MRI1: variants seen among roughly 807,000 people sequenced by gnomAD.
MRI1 encodes methylthioribose-1-phosphate isomerase 1, also known as methylthioribose-1-phosphate isomerase.
A neutral mutation model predicts 27.3 loss-of-function variants in MRI1; 32 were observed. The observed-to-expected ratio is 1.17, with a 90% CI of 0.88 to 1.57. MRI1 has a LOEUF of 1.57. Ranked by LOEUF, MRI1 falls within the 40% of genes most tolerant of loss-of-function variation. The probability of loss-of-function intolerance (pLI) is 0.00; values close to 1 mark genes in which losing one functional copy is unlikely to be tolerated. For synonymous variants in MRI1, 216 were observed against 227.4 expected (o/e 0.95, Z 0.45); for missense variants, 508 against 516.1 (o/e 0.98, Z 0.15).
chr19:13,769,140 T>C, intron 5 of MRI1, 92 bp downstream of exon 5: 3 of 1,074,804 alleles, frequency 2.8e-6, no homozygotes, highest in South Asian at 3.1e-5. Context: ...TTCTGGAACA[T>C]ACACAGCTCC....
At chr19:13,770,447 C>T (rs1185566879) in intron 5 of MRI1, among the ~76,000 whole-genome samples, 5 of 151,972 alleles carry the variant, frequency 3.3e-5, no homozygotes, top group South Asian at 2.1e-4. Context: ...ATTAGCCAGG[C>T]GTGGTGGCAC....
intron 3 of MRI1, 25 bp from the exon 4 acceptor site, chr19:13,768,535 TC>T: frequency 1.3e-6 from 2 of 1,597,670 alleles, no homozygotes; most frequent in Middle Eastern, 1.7e-4. Flanking sequence ...CCCGGGGCCT[TC>T]TCCTGGTGGG....
In MRI1 at chr19:13,766,013, G is replaced by A; in HGVS notation, c.431G>A (p.Gly144Glu). Residue 144 changes from glycine to glutamate, a missense_variant, in exon 3 of 6, where the codon GGG (glycine) becomes GAG (glutamate). Gly to Glu is a moderately conservative substitution (Grantham distance 98). Transcript: ENST00000040663. ...EKDLRDNRSIGDLGARHLLER... is the reference protein window; with the variant it reads ...EKDLRDNRSIEDLGARHLLER... ...GACCTCAGAGACAACCGAAGCATTG[G>A]GGACCTAGGAGCCCGCCACCTCCTG... The A allele has an allele frequency of 6.2e-7, 1 of 1,613,328 alleles. No individual in the cohort carries two copies. The highest frequency in any genetic ancestry group is 8.5e-7 in the Non-Finnish European group (1 of 1,179,802).
At chr19:13,765,157 A>T in intron 2 of MRI1, 48 bp downstream of exon 2, 3 of 1,403,790 alleles carry the variant, frequency 2.1e-6, no homozygotes, top group South Asian at 1.4e-5. Context: ...AATTATATTG[A>T]CTCTTTTTAA....
At chr19:13,766,154 G>C in intron 3 of MRI1, 25 bp downstream of exon 3, 1 of 1,499,358 alleles carries the variant, frequency 6.7e-7, no homozygotes, top group Non-Finnish European at 8.9e-7. Flanking sequence ...TCAGGGGGTA[G>C]GGGAGGGCCT....
intron 5 of MRI1, among the ~76,000 whole-genome samples, chr19:13,771,369 A>G (rs1467925555): frequency 2.6e-5 from 4 of 151,444 alleles, no homozygotes; most frequent in East Asian, 2.0e-4. Context: ...CTCCATCTCA[A>G]AAAAACAAAA....
At chr19:13,766,546 G>A (rs1285148943) in intron 3 of MRI1, among the ~76,000 whole-genome samples, 1 of 152,148 alleles carries the variant, frequency 6.6e-6, no homozygotes, top group Non-Finnish European at 1.5e-5. Flanking sequence ...ACTCCAGGAG[G>A]AACTGGGGAG....
At chr19:13,765,364 C>G (rs1186128232) in intron 2 of MRI1, among the ~76,000 whole-genome samples, 2 of 152,180 alleles carry the variant, frequency 1.3e-5, no homozygotes, top group African/African-American at 4.8e-5. Context: ...CCCCTGAATA[C>G]ACGCAGCCCC....
chr19:13,772,028 C>T (rs2145205995), intron 5 of MRI1, 93 bp from the exon 6 acceptor site: 1 of 1,303,858 alleles, frequency 7.7e-7, no homozygotes, highest in Middle Eastern at 2.8e-4. Context: ...TCCCCAACTC[C>T]AAGAACCACT....
At position 13,766,146 on chromosome 19, in the gene MRI1, AG is replaced by A; in HGVS notation, c.547+22del. 1.3e-6 allele frequency: 2 copies of A among 1,507,090 alleles called. No homozygotes were observed. Among genetic ancestry groups the A allele is most frequent in the Non-Finnish European group, 1.8e-6 (2 of 1,126,442 alleles). The allele number at this position is 1,507,090 out of a possible 1,614,324, so 93.4% of individuals were successfully genotyped here. A position where few individuals can be genotyped will look rare whatever the true frequency, so the allele number is the denominator to read the frequency against. Reference sequence around the variant, plus strand: ...CAGCCCTAGGTGAGAGGGCCTCCTCAGGGGGTAGGGGAGGGCCTTCTAGGAA... The same window carrying A: ...CAGCCCTAGGTGAGAGGGCCTCCTCAGGGGTAGGGGAGGGCCTTCTAGGAA... On this transcript the variant is annotated intron_variant, in intron 3 of 5. Coordinates refer to ENST00000040663, the MANE Select transcript of MRI1 (RefSeq NM_001031727.4).
Position 13,773,177 on chromosome 19 carries a change from T to G in MRI1, c.*896T>G, listed in dbSNP as rs1974307137. On this transcript the variant is annotated 3_prime_UTR_variant, in exon 6 of 6. Transcript: ENST00000040663. ...GCATGCGCCACCATGCCCAGCTAATTTTTCTATTTTTAGTAGAGACATGAT... is the reference window on the plus strand; with the variant it reads ...GCATGCGCCACCATGCCCAGCTAATGTTTCTATTTTTAGTAGAGACATGAT... 1 of 151,966 alleles carries G rather than the reference T, an allele frequency of 6.6e-6. No individual in the cohort carries two copies. Among genetic ancestry groups the G allele is most frequent in the Admixed American group, 6.6e-5 (1 of 15,250 alleles). The allele number at this position is 151,966 out of a possible 1,614,324, so 9.4% of individuals were successfully genotyped here.
Position 13,765,915 on chromosome 19 carries a change from G to A in MRI1, c.372-39G>A, listed in dbSNP as rs28437140. 8,460 of 1,553,678 alleles carry A rather than the reference G, an allele frequency of 5.4e-3. 378 individuals are homozygous for A. The African/African-American group carries it at 0.1, about 19-fold the overall frequency. ...GAGGAGGCGTTGGCCTGGGCCCCGG[G>A]TCCTGGTGGCTGGTGCTGAAAACTC... On this transcript the variant is annotated intron_variant, in intron 2 of 5. Transcript: ENST00000040663.
rs201700668 is a variant in MRI1 at position 13,765,909 on chromosome 19, C to T, written c.372-45C>T. 3.0e-4 allele frequency: 466 copies of T among 1,545,980 alleles called. 3 individuals carry two copies. In the East Asian group the frequency reaches 5.6e-3, roughly 18 times the overall value. On this transcript the variant is annotated intron_variant, in intron 2 of 5. Coordinates refer to ENST00000040663, the MANE Select transcript of MRI1 (RefSeq NM_001031727.4). ...GGCAGAGAGGAGGCGTTGGCCTGGG[C>T]CCCGGGTCCTGGTGGCTGGTGCTGA...
Position 13,772,238 on chromosome 19 carries a change from C to A in MRI1, c.1067C>A (p.Thr356Asn), listed in dbSNP as rs1477969756. Reference protein sequence around the residue: ...PEELRTALTTTISSRDGTLDG... With the variant: ...PEELRTALTTNISSRDGTLDG... Reference sequence around the variant, plus strand: ...GAGCTCCGGACAGCCCTAACCACCACCATCTCTTCCAGGGATGGAACCCTA... The same window carrying A: ...GAGCTCCGGACAGCCCTAACCACCAACATCTCTTCCAGGGATGGAACCCTA... Residue 356 changes from threonine to asparagine, a missense_variant, in exon 6 of 6, where the codon ACC becomes AAC. This residue lies in a region of MRI1 where 457 missense variants were observed against 452.8 expected (regional missense o/e 1.01). Transcript: ENST00000040663. 6.2e-7 allele frequency: 1 copy of A among 1,614,014 alleles called. No individual in the cohort carries two copies. Among genetic ancestry groups the A allele is most frequent in the Non-Finnish European group, 8.5e-7 (1 of 1,180,012 alleles).
rs558173579 is a variant in MRI1 at position 13,764,963 on chromosome 19, C to G, written c.225C>G (p.Leu75=). Reference sequence around the variant, plus strand: ...CCGGGGGACCGGGACTCGCCGCGCTCGTGGCCTTCGTGCGCGACAAGCTGA... The same window carrying G: ...CCGGGGGACCGGGACTCGCCGCGCTGGTGGCCTTCGTGCGCGACAAGCTGA... ...AGAGGPGLAA[L]VAFVRDKLSF... The change falls in exon 2 of 6, where the codon CTC becomes CTG. Residue 75 remains leucine (L), a synonymous_variant. Transcript: ENST00000040663. 2 of 1,515,800 alleles carry G rather than the reference C, an allele frequency of 1.3e-6. No homozygotes were observed. The highest frequency in any genetic ancestry group is 1.8e-6 in the Non-Finnish European group (2 of 1,138,394). 93.9% of individuals were successfully genotyped at this position (1,515,800 alleles called of 1,614,324 possible).
chr19:13,769,063 CAGAA>C lies in MRI1; in HGVS notation c.949+18_949+21del. 5.7e-6 allele frequency: 9 copies of C among 1,589,214 alleles called. No homozygotes were observed. The highest frequency in any genetic ancestry group is 7.7e-6 in the Non-Finnish European group (9 of 1,163,554). On this transcript the variant is annotated intron_variant, in intron 5 of 5. Transcript: ENST00000040663. ...TGCAGCACCTGGTAAGCTGCCCCCTCAGAAAGGGGACACCCCAGCTCCTGGGCAC... is the reference window on the plus strand; with the variant it reads ...TGCAGCACCTGGTAAGCTGCCCCCTCAGGGGACACCCCAGCTCCTGGGCAC...
rs777926780 is a variant in MRI1, at chr19:13,764,559, C to G, written c.-30C>G. ...AGTGCGCGCGGACCCCTAGCTCCCT[C>G]TGAGTTGCGCTGGGCTTGGCTGCTG... On this transcript the variant is annotated 5_prime_UTR_variant, in exon 1 of 6. Transcript: ENST00000040663. The G allele has an allele frequency of 6.9e-6, 11 of 1,601,142 alleles. No individual in the cohort carries two copies. The highest frequency in any genetic ancestry group is 3.6e-4 in the Middle Eastern group (2 of 5,482).
chr19:13,767,266 C>T (rs1279222500), intron 3 of MRI1, among the ~76,000 whole-genome samples: 1 of 151,592 alleles, frequency 6.6e-6, no homozygotes, highest in Non-Finnish European at 1.5e-5. Context: ...AGGCTGGTCT[C>T]GAACTTCTGA....
At chr19:13,766,994 C>T (rs1243336433) in intron 3 of MRI1, among the ~76,000 whole-genome samples, 3 of 130,524 alleles carry the variant, frequency 2.3e-5, no homozygotes, top group African/African-American at 8.1e-5. Flanking sequence ...ATTTGCATGA[C>T]CTATGCACAT....
Sources: allele counts gnomAD v4.1 joint callset (sites outside exome capture counted in the v4.1 genomes callset), GRCh38; gene constraint gnomAD v4.1.1; regional missense constraint gnomAD v4.1.1; transcripts MANE v1.5; gene names NCBI Gene and HGNC (gene_info 2026-07-23, HGNC 2026-07-21).